Variants in SPTAN1 observed in about 807,000 individuals in gnomAD.
The protein encoded by SPTAN1 is spectrin alpha, non-erythrocytic 1, also known as spectrin alpha chain, non-erythrocytic 1.
In SPTAN1, 61 loss-of-function variants were observed where a neutral mutation model predicts 331.3. That is an observed-to-expected ratio of 0.18 (90% CI 0.15 to 0.23). The LOEUF is 0.23. Among genes scored for constraint, SPTAN1 ranks in the 10% least tolerant of loss-of-function variants. SPTAN1 has a pLI of 1.00. For missense variants in SPTAN1, 2,043 were observed against 3,147.9 expected, an observed-to-expected ratio of 0.65 and a Z score of 8.40; for synonymous variants, 1,153 against 1,173.9, an observed-to-expected ratio of 0.98 and a Z score of 0.36.
chr9:128,633,389 T>C lies in SPTAN1; in HGVS notation c.*55T>C. The C allele has an allele frequency of 6.2e-7, 1 of 1,611,710 alleles. No homozygotes were observed. The highest frequency in any genetic ancestry group is 8.5e-7 in the Non-Finnish European group (1 of 1,179,696). On this transcript the variant is annotated 3_prime_UTR_variant, in exon 57 of 57. Coordinates refer to ENST00000372739, the MANE Select transcript of SPTAN1 (RefSeq NM_001130438.3). ...GCTTGCCCTGCGTCGCCTTGCTGCA[T>C]GTCCGCTCCTCTGTGTGCTCTCACT... is the stretch of plus-strand genomic sequence containing the variant.
chr9:128,574,951 C>A, intron 4 of SPTAN1, 136 bp downstream of exon 4: 1 of 1,280,002 alleles, frequency 7.8e-7, no homozygotes, highest in Non-Finnish European at 1.1e-6. Context: ...GGGTTGCTGT[C>A]TCTCCAGCTG....
chr9:128,629,095 G>A lies in SPTAN1; in HGVS notation c.6707+1153G>A. ...TGCTCTTGCCTCCCCTCCCTTTGGT[G>A]TATTCATTTGGTTTCTTTTCTTTGA... On this transcript the variant is annotated intron_variant, in intron 51 of 56. Coordinates refer to ENST00000372739, the MANE Select transcript of SPTAN1 (RefSeq NM_001130438.3). This position sits in a 1 kb window ranked among gnomAD's most constrained non-coding sequence, Gnocchi z 4.9. 1.0e-5 allele frequency: 4 copies of A among 398,776 alleles called. No homozygotes were observed. The highest frequency in any genetic ancestry group is 1.8e-5 in the Non-Finnish European group (4 of 226,184). The allele number at this position is 398,776 out of a possible 1,614,324, so 24.7% of individuals were successfully genotyped here. A position where few individuals can be genotyped will look rare whatever the true frequency, so the allele number is the denominator to read the frequency against.
intron 19 of SPTAN1, among the ~76,000 whole-genome samples, 167 bp from the exon 20 acceptor site, chr9:128,587,439 C>T (rs1852801989): frequency 6.6e-6 from 1 of 152,240 alleles, no homozygotes; most frequent in South Asian, 2.1e-4. Context: ...AGATGAGAAT[C>T]CTGAAAAACT....
chr9:128,562,992 GTATATA>G (rs1168781290), intron 1 of SPTAN1, among the ~76,000 whole-genome samples: 1 of 3,114 alleles, frequency 3.2e-4, no homozygotes, highest in African/African-American at 3.9e-4. Flanking sequence ...ACATGTATGT[GTATATA>G]TATATATATA....
intron 1 of SPTAN1, among the ~76,000 whole-genome samples, chr9:128,560,607 C>G (rs1564182965): frequency 8.1e-6 from 1 of 123,056 alleles, no homozygotes; most frequent in Non-Finnish European, 1.7e-5. Flanking sequence ...TCTCAAACTC[C>G]TGACCTCAGG....
chr9:128,584,510 G>A lies in SPTAN1; in HGVS notation c.2422G>A (p.Ala808Thr), dbSNP rs766491965. The change falls in exon 17 of 57, where the codon GCA becomes ACA. Residue 808 changes from alanine (A) to threonine (T), a missense_variant. By Grantham distance (58) the Ala-to-Thr change is moderately conservative. Around this residue, in one of 12 missense-constraint regions of SPTAN1, gnomAD observed 1,038 missense variants for 1,531.5 expected, o/e 0.68. Coordinates refer to ENST00000372739, the MANE Select transcript of SPTAN1 (RefSeq NM_001130438.3). ...GATTCGAGAGAAAGAGCCCATTGCC[G>A]CATCTACCAACAGAGGTCAGTCTGC... Reference protein sequence around the residue: ...TWIREKEPIAASTNRGKDLIG... With the variant: ...TWIREKEPIATSTNRGKDLIG... 2.8e-5 allele frequency: 45 copies of A among 1,613,986 alleles called. No individual in the cohort carries two copies. Among genetic ancestry groups the A allele is most frequent in the African/African-American group, 1.5e-4 (11 of 74,932 alleles).
intron 39 of SPTAN1, among the ~76,000 whole-genome samples, chr9:128,612,861 G>A (rs1856723871): frequency 6.6e-6 from 1 of 152,046 alleles, no homozygotes; most frequent in South Asian, 2.1e-4. Context: ...GGAGGTGGAG[G>A]TTGCAGTGAG....
intron 39 of SPTAN1, among the ~76,000 whole-genome samples, chr9:128,612,936 A>AT (rs1315394072): frequency 1.6e-3 from 243 of 149,842 alleles, no homozygotes; most frequent in African/African-American, 5.0e-3. Flanking sequence ...AAAAAAAAAA[A>AT]TTTTTTTTTT....
At chr9:128,569,417 G>A (rs1041268424) in intron 3 of SPTAN1, among the ~76,000 whole-genome samples, 2 of 151,974 alleles carry the variant, frequency 1.3e-5, no homozygotes, top group Non-Finnish European at 2.9e-5. Context: ...GACTGACTTT[G>A]AGGCAGGAGT....
chr9:128,597,437 T>C (rs1047363299), intron 24 of SPTAN1, among the ~76,000 whole-genome samples: 1 of 152,156 alleles, frequency 6.6e-6, no homozygotes, highest in Admixed American at 6.5e-5. Context: ...GGTAGGAGGA[T>C]TGCTTGAGCC....
At chr9:128,585,204 T>G (rs565706107) in intron 18 of SPTAN1, among the ~76,000 whole-genome samples, 3 of 152,114 alleles carry the variant, frequency 2.0e-5, no homozygotes, top group Admixed American at 6.5e-5. Context: ...TATTTTTGTA[T>G]TTTTAATAGA....
In SPTAN1 at chr9:128,633,296, G is replaced by A. The variant is rs367776636; in HGVS notation, c.7396G>A (p.Asp2466Asn). 1.9e-4 allele frequency: 299 copies of A among 1,613,888 alleles called. No homozygotes were observed. The highest frequency in any genetic ancestry group is 3.3e-4 in the African/African-American group (25 of 74,942). ...GGGCCGCGAGCTCCCCACCGCGTTC[G>A]ACTACGTGGAGTTCACCCGCTCGCT... is the stretch of plus-strand genomic sequence containing the variant. ...GKGRELPTAF[D>N]YVEFTRSLFV... Residue 2466 changes from aspartate to asparagine, a missense_variant, in exon 57 of 57, where the codon GAC (aspartate) becomes AAC (asparagine). Physicochemically the swap from Asp to Asn is conservative, Grantham distance 23 (BLOSUM62 1). This residue lies in a region of SPTAN1 where 88 missense variants were observed against 96.5 expected (regional missense o/e 0.91). Coordinates refer to ENST00000372739, the MANE Select transcript of SPTAN1 (RefSeq NM_001130438.3).
At position 128,627,855 on chromosome 9, in the gene SPTAN1, T is replaced by C; in HGVS notation, c.6690-70T>C. On this transcript the variant is annotated intron_variant, in intron 50 of 56. Transcript: ENST00000372739. The surrounding 1 kb of genome is among the most constrained non-coding windows in gnomAD (Gnocchi z 4.9). ...TCCTTTCTTTCTTGTGTCTTCTCTC[T>C]GTCCCCCCGATTGCTGCTGTTGTCC... 6.4e-7 allele frequency: 1 copy of C among 1,570,362 alleles called. No individual in the cohort carries two copies. The highest frequency in any genetic ancestry group is 8.8e-7 in the Non-Finnish European group (1 of 1,140,068).
At chr9:128,576,120 A>G (rs1851279623) in intron 5 of SPTAN1, among the ~76,000 whole-genome samples, 1 of 152,204 alleles carries the variant, frequency 6.6e-6, no homozygotes, top group South Asian at 2.1e-4. Flanking sequence ...GAGCTTGAGA[A>G]AAGTAGTCAG....
intron 45 of SPTAN1, among the ~76,000 whole-genome samples, chr9:128,622,590 C>G (rs1489542096): frequency 6.6e-6 from 1 of 151,592 alleles, no homozygotes; most frequent in Non-Finnish European, 1.5e-5. Flanking sequence ...TGAGCCACCA[C>G]CCCCGGCCAG....
At chr9:128,606,561 G>A (rs1589304006) in intron 31 of SPTAN1, among the ~76,000 whole-genome samples, 1 of 147,966 alleles carries the variant, frequency 6.8e-6, no homozygotes, top group Admixed American at 6.8e-5. Flanking sequence ...TCAGCTCACC[G>A]CAACCTCCGC....
intron 44 of SPTAN1, 73 bp from the exon 45 acceptor site, chr9:128,621,083 ACT>A: frequency 3.0e-6 from 4 of 1,319,368 alleles, no homozygotes; most frequent in East Asian, 2.3e-5. Context: ...CAGTTTTGTC[ACT>A]CTCTGTCCCC....
At chr9:128,611,535 C>T (rs1856560822) in intron 37 of SPTAN1, 179 bp from the exon 38 acceptor site, 1 of 712,276 alleles carries the variant, frequency 1.4e-6, no homozygotes, top group Non-Finnish European at 2.4e-6. Context: ...TTGCTAACTC[C>T]CCAAGAGATG....
rs2132960242 is a variant in SPTAN1 at position 128,566,935 on chromosome 9, G to A, written c.195G>A (p.Gln65=). 6.2e-7 allele frequency: 1 copy of A among 1,614,196 alleles called. No individual in the cohort carries two copies. The highest frequency in any genetic ancestry group is 8.5e-7 in the Non-Finnish European group (1 of 1,180,036). Reference sequence around the variant, plus strand: ...AGAAATGGATACAGGAAAAACTTCAGATTGCATCTGATGAGAATTATAAAG... The same window carrying A: ...AGAAATGGATACAGGAAAAACTTCAAATTGCATCTGATGAGAATTATAAAG... The part of the protein sequence containing the change: ...ELEKWIQEKL[Q]IASDENYKDP... The change falls in exon 2 of 57, where the codon CAG becomes CAA. Residue 65 remains glutamine (Q), a synonymous_variant. Coordinates refer to ENST00000372739, the MANE Select transcript of SPTAN1 (RefSeq NM_001130438.3).
Sources: allele counts gnomAD v4.1 joint callset (sites outside exome capture counted in the v4.1 genomes callset), GRCh38; gene constraint gnomAD v4.1.1; regional missense constraint gnomAD v4.1.1; non-coding constraint Gnocchi (gnomAD v3.1); transcripts MANE v1.5; gene names NCBI Gene and HGNC (gene_info 2026-07-23, HGNC 2026-07-21).